Variants in SLC2A12 observed in about 807,000 individuals in gnomAD.
SLC2A12 encodes the protein solute carrier family 2 member 12, also known as solute carrier family 2, facilitated glucose transporter member 12.
SLC2A12 carries 23 observed loss-of-function variants against 41.8 expected under a neutral mutation model. That is an observed-to-expected ratio of 0.55 (90% CI 0.40 to 0.78). The LOEUF (loss-of-function observed/expected upper bound fraction) is 0.78. Among genes scored for constraint, SLC2A12 ranks in the 30% least tolerant of loss-of-function variants. The pLI is 0.00. For missense variants in SLC2A12, 654 were observed against 745.6 expected, an observed-to-expected ratio of 0.88 and a Z score of 1.43; for synonymous variants, 295 against 285.9, an observed-to-expected ratio of 1.03 and a Z score of -0.32.
chr6:134,028,628 G>A lies in SLC2A12; in HGVS notation c.1197C>T (p.Thr399=), dbSNP rs1777148183. The A allele has an allele frequency of 1.2e-6, 2 of 1,614,070 alleles. No individual in the cohort carries two copies. Among genetic ancestry groups the A allele is most frequent in the African/African-American group, 1.3e-5 (1 of 74,936 alleles). ...SVIYGPGNLS[T]NNNTLRDHFK... ...AGTGGTCTCTGAGAGTATTGTTGTT[G>A]GTTGACAGGTTTCCTGGTCCATAAA... Residue 399 remains threonine (T), a synonymous_variant, in exon 2 of 5, where the codon ACC becomes ACT. Coordinates refer to ENST00000275230, the MANE Select transcript of SLC2A12 (RefSeq NM_145176.3).
chr6:134,042,669 T>G (rs2114504882), intron 1 of SLC2A12, among the ~76,000 whole-genome samples: 1 of 151,910 alleles, frequency 6.6e-6, no homozygotes, highest in Admixed American at 6.6e-5. Context: ...AAAGTTGATT[T>G]ATAAGAAACT....
chr6:134,016,342 G>C (rs756419054), intron 2 of SLC2A12, among the ~76,000 whole-genome samples: 1 of 151,928 alleles, frequency 6.6e-6, no homozygotes, highest in African/African-American at 2.4e-5. Flanking sequence ...AAGACATCCG[G>C]GTAGCTTACT....
chr6:134,000,903 A>G (rs1260960094), intron 4 of SLC2A12, among the ~76,000 whole-genome samples: 1 of 152,228 alleles, frequency 6.6e-6, no homozygotes, highest in Non-Finnish European at 1.5e-5. Flanking sequence ...GTTAAGCCTG[A>G]GAGTTTTTCT....
At chr6:133,993,225 T>G (rs561828888) in intron 4 of SLC2A12, among the ~76,000 whole-genome samples, 11 of 152,190 alleles carry the variant, frequency 7.2e-5, no homozygotes, top group Non-Finnish European at 1.3e-4. Context: ...ATACCACTTA[T>G]AAGCTGATGG....
chr6:134,021,434 A>C (rs1337352725), intron 2 of SLC2A12, among the ~76,000 whole-genome samples: 1 of 152,208 alleles, frequency 6.6e-6, no homozygotes, highest in Non-Finnish European at 1.5e-5. Flanking sequence ...CTATAACTAC[A>C]TTCTGGTTAA....
rs776559603 is a variant in SLC2A12, at chr6:134,028,538, T to A, written c.1287A>T (p.Arg429Ser). The A allele has an allele frequency of 6.8e-6, 11 of 1,614,052 alleles. No homozygotes were observed. The East Asian group carries it at 1.1e-4, about 16-fold the overall frequency. The change falls in exon 2 of 5, where the codon AGA becomes AGT. Residue 429 changes from arginine (R) to serine (S), a missense_variant. Transcript: ENST00000275230. ...LMPLRNDVDK[R>S]GETTSASLLN... ...GCAAGGATGCTGAGGTCGTCTCCCC[T>A]CTCTTATCCACATCATTTCTCAGGG... is the stretch of plus-strand genomic sequence containing the variant.
intron 1 of SLC2A12, among the ~76,000 whole-genome samples, chr6:134,032,443 TATATAA>T (rs1327536712): frequency 8.2e-4 from 30 of 36,540 alleles, no homozygotes; most frequent in African/African-American, 3.4e-3. Flanking sequence ...TATATATATA[TATATAA>T]ATATATATAT....
Position 133,989,232 on chromosome 6 carries a change from TGTAA to T in SLC2A12, c.*1919_*1922del, listed in dbSNP as rs1413024939. Reference sequence around the variant, plus strand: ...AAACTGTGAATATATATGTACAAGTTGTAAGTATTTCCCCCTTTTTATTTTTGAA... The same window carrying T: ...AAACTGTGAATATATATGTACAAGTTGTATTTCCCCCTTTTTATTTTTGAA... On this transcript the variant is annotated 3_prime_UTR_variant, in exon 5 of 5. Transcript: ENST00000275230. The T allele has an allele frequency of 6.6e-6, 1 of 152,154 alleles. No homozygotes were observed. The highest frequency in any genetic ancestry group is 1.5e-5 in the Non-Finnish European group (1 of 68,038). 9.4% of individuals were successfully genotyped at this position (152,154 alleles called of 1,614,324 possible).
chr6:134,017,663 G>A (rs1359231698), intron 2 of SLC2A12, among the ~76,000 whole-genome samples: 6 of 151,910 alleles, frequency 3.9e-5, no homozygotes, highest in Non-Finnish European at 8.8e-5. Flanking sequence ...CCACCTTGGC[G>A]AACACGATGA....
chr6:134,039,450 A>G (rs1308302589), intron 1 of SLC2A12, among the ~76,000 whole-genome samples: 1 of 152,222 alleles, frequency 6.6e-6, no homozygotes, highest in Non-Finnish European at 1.5e-5. Flanking sequence ...TGCTTTCCAT[A>G]ATTTATTTAT....
intron 2 of SLC2A12, among the ~76,000 whole-genome samples, chr6:134,015,659 A>C (rs938957186): frequency 2.6e-5 from 4 of 152,154 alleles, no homozygotes; most frequent in Non-Finnish European, 4.4e-5. Context: ...CTTGGAGGAA[A>C]TCTGAAGAAT....
intron 2 of SLC2A12, among the ~76,000 whole-genome samples, chr6:134,012,256 C>T (rs946634075): frequency 5.3e-5 from 8 of 152,200 alleles, no homozygotes; most frequent in African/African-American, 9.6e-5. Context: ...TAAATAAAGG[C>T]TCAATGTTCT....
chr6:134,039,298 A>T (rs1777348514), intron 1 of SLC2A12, among the ~76,000 whole-genome samples: 1 of 151,526 alleles, frequency 6.6e-6, no homozygotes, highest in African/African-American at 2.4e-5. Context: ...ATTCCCTTCC[A>T]CTCTACACGT....
intron 1 of SLC2A12, among the ~76,000 whole-genome samples, chr6:134,039,158 G>A (rs1008357596): frequency 1.3e-4 from 20 of 152,086 alleles, no homozygotes; most frequent in Admixed American, 1.2e-3. Context: ...TTATTTATAT[G>A]TTAGTTTAAT....
intron 2 of SLC2A12, among the ~76,000 whole-genome samples, chr6:134,016,016 G>T (rs886102744): frequency 4.0e-4 from 61 of 152,162 alleles, no homozygotes; most frequent in African/African-American, 1.3e-3. Flanking sequence ...TTGTTGTTTC[G>T]AATAGAAAGA....
chr6:134,048,602 G>A lies in SLC2A12; in HGVS notation c.103+3776C>T, dbSNP rs181432222. Among the ~76,000 whole-genome samples, 4 of 152,204 alleles carry A rather than the reference G, an allele frequency of 2.6e-5. No individual in the cohort carries two copies. In the East Asian group the frequency reaches 7.7e-4, roughly 29 times the overall value. Reference sequence around the variant, plus strand: ...CAAAACAACAACAACAAAAAAACCTGTTATTTCCTTGGAAATACGTATCAC... The same window carrying A: ...CAAAACAACAACAACAAAAAAACCTATTATTTCCTTGGAAATACGTATCAC... On this transcript the variant is annotated intron_variant, in intron 1 of 4. Transcript: ENST00000275230.
At chr6:134,019,055 G>A (rs367727398) in intron 2 of SLC2A12, among the ~76,000 whole-genome samples, 7 of 152,174 alleles carry the variant, frequency 4.6e-5, no homozygotes, top group Non-Finnish European at 8.8e-5. Context: ...GATGACAGTC[G>A]CAGCTTTATC....
chr6:134,021,314 A>G (rs1777037396), intron 2 of SLC2A12, among the ~76,000 whole-genome samples: 1 of 152,194 alleles, frequency 6.6e-6, no homozygotes, highest in South Asian at 2.1e-4. Context: ...CTGCTTAAAA[A>G]CACAAAGGTA....
At chr6:134,030,440 T>G (rs912687939) in intron 1 of SLC2A12, among the ~76,000 whole-genome samples, 1 of 152,208 alleles carries the variant, frequency 6.6e-6, no homozygotes, top group African/African-American at 2.4e-5. Context: ...GAAAGGGGGA[T>G]GGAACACAGG....
Sources: gnomAD v4.1 joint callset for allele counts (sites outside exome capture counted in the v4.1 genomes callset) on GRCh38, gnomAD v4.1.1 for gene constraint, MANE v1.5 for transcripts, NCBI Gene and HGNC (gene_info 2026-07-23, HGNC 2026-07-21) for gene names.